Variants in XDH observed in about 807,000 individuals in gnomAD.
XDH encodes xanthine dehydrogenase/oxidase.
A neutral mutation model predicts 156.1 loss-of-function variants in XDH; 138 were observed. The ratio of observed to expected loss-of-function variants is 0.88; its 90% CI spans 0.77 to 1.02. The LOEUF (loss-of-function observed/expected upper bound fraction) is 1.02, where lower values mean the gene tolerates loss of function less well. Ranked by LOEUF, XDH falls within the 50% of genes least tolerant of loss-of-function variation. XDH has a pLI of 0.00. For missense variants in XDH, 1,849 were observed against 1,684.9 expected, an observed-to-expected ratio of 1.10 and a Z score of -1.71; for synonymous variants, 669 against 625.7, an observed-to-expected ratio of 1.07 and a Z score of -1.03.
chr2:31,381,667 C>T lies in XDH; in HGVS notation c.1098G>A (p.Met366Ile). ...CAAGTGTCAGCTTGGCCCCACTGGC[C>T]ATGAACACGGGGTTGAGGTCGGAGA... ...SPISDLNPVF[M>I]ASGAKLTLVS... The change falls in exon 12 of 36, where the codon ATG becomes ATA. Residue 366 changes from methionine to isoleucine, a missense_variant. Coordinates refer to ENST00000379416, the MANE Select transcript of XDH (RefSeq NM_000379.4). The T allele has an allele frequency of 6.2e-7, 1 of 1,614,136 alleles. No homozygotes were observed. The highest frequency in any genetic ancestry group is 1.7e-5 in the Admixed American group (1 of 60,024).
rs138597781 is a variant in XDH, at chr2:31,337,608, C to T, written c.3951+33G>A. The T allele has an allele frequency of 3.1e-5, 50 of 1,613,218 alleles. 1 individual carries two copies. The African/African-American group carries it at 5.9e-4, about 19-fold the overall frequency. On this transcript the variant is annotated intron_variant, in intron 35 of 35. Coordinates refer to ENST00000379416, the MANE Select transcript of XDH (RefSeq NM_000379.4). ...TTTGCCAGCCTATCCCTGGCCTCCC[C>T]TGGACTGAGTGGATGCTTGAGGGGC...
chr2:31,395,649 G>T (rs1434387193), intron 6 of XDH, among the ~76,000 whole-genome samples: 4 of 152,128 alleles, frequency 2.6e-5, no homozygotes, highest in Admixed American at 6.5e-5. Flanking sequence ...ATAAACTCCA[G>T]CAATTCATCA....
intron 6 of XDH, among the ~76,000 whole-genome samples, chr2:31,392,095 G>C (rs1390508926): frequency 1.3e-5 from 2 of 152,154 alleles, no homozygotes; most frequent in Admixed American, 1.3e-4. Context: ...TGAGCATAGA[G>C]TTGTTCTTAA....
intron 15 of XDH, among the ~76,000 whole-genome samples, chr2:31,375,044 A>G (rs1686205418): frequency 3.4e-5 from 1 of 29,400 alleles, no homozygotes; most frequent in African/African-American, 1.7e-4. Context: ...TTTTTTTTTG[A>G]GACAGAGTTT....
chr2:31,363,161 A>T (rs1248367638), intron 24 of XDH, among the ~76,000 whole-genome samples: 5 of 152,000 alleles, frequency 3.3e-5, no homozygotes, highest in African/African-American at 4.8e-5. Context: ...AAAATACAAA[A>T]ATTAGCCAGG....
intron 31 of XDH, among the ~76,000 whole-genome samples, chr2:31,343,130 A>AC (rs1685168282): frequency 6.6e-6 from 1 of 151,770 alleles, no homozygotes; most frequent in Non-Finnish European, 1.5e-5. Flanking sequence ...AATTCCTTTG[A>AC]CCTCTGCTTT....
At chr2:31,393,350 T>C (rs1304648415) in intron 6 of XDH, among the ~76,000 whole-genome samples, 1 of 152,240 alleles carries the variant, frequency 6.6e-6, no homozygotes, top group Non-Finnish European at 1.5e-5. Flanking sequence ...TTATATCTTC[T>C]TGGAGTATTG....
chr2:31,382,165 A>T (rs1686452549), intron 11 of XDH, among the ~76,000 whole-genome samples: 1 of 152,214 alleles, frequency 6.6e-6, no homozygotes, highest in Non-Finnish European at 1.5e-5. Context: ...TGTAAGAAGA[A>T]TCAGATACAG....
At chr2:31,340,977 C>T (rs914917092) in intron 33 of XDH, among the ~76,000 whole-genome samples, 3 of 152,102 alleles carry the variant, frequency 2.0e-5, no homozygotes, top group Non-Finnish European at 4.4e-5. Flanking sequence ...GACCTCAGAC[C>T]CCACTGTCTG....
chr2:31,383,124 C>G lies in XDH; in HGVS notation c.915G>C (p.Leu305=), dbSNP rs375308657. 1 of 1,614,050 alleles carries G rather than the reference C, an allele frequency of 6.2e-7. No individual in the cohort carries two copies. The highest frequency in any genetic ancestry group is 8.5e-7 in the Non-Finnish European group (1 of 1,180,034). ...DGISFGAACP[L]SIVEKTLVDA... ...CCACCAGGGTTTTTTCCACAATGCT[C>G]AGGGGGCAAGCAGCTCCAAAGGAGA... The change falls in exon 11 of 36, where the codon CTG becomes CTC. Residue 305 remains leucine (L), a synonymous_variant. Coordinates refer to ENST00000379416, the MANE Select transcript of XDH (RefSeq NM_000379.4).
intron 24 of XDH, among the ~76,000 whole-genome samples, chr2:31,354,231 G>T (rs1180168239): frequency 2.0e-5 from 3 of 152,182 alleles, no homozygotes; most frequent in African/African-American, 7.2e-5. Context: ...TGATGAGGTG[G>T]CATCCACCAC....
chr2:31,334,369 T>C lies in XDH; in HGVS notation c.*1589A>G, dbSNP rs536551880. Reference sequence around the variant, plus strand: ...GTGACATCAAGCACCAGTCCAACTATATCATTTCCACTATCCTCCCTCCAT... The same window carrying C: ...GTGACATCAAGCACCAGTCCAACTACATCATTTCCACTATCCTCCCTCCAT... On this transcript the variant is annotated 3_prime_UTR_variant, in exon 36 of 36. Coordinates refer to ENST00000379416, the MANE Select transcript of XDH (RefSeq NM_000379.4). The C allele has an allele frequency of 6.6e-6, 1 of 152,308 alleles. No homozygotes were observed. The highest frequency in any genetic ancestry group is 2.1e-4 in the South Asian group (1 of 4,818). The allele number at this position is 152,308 out of a possible 1,614,324, so 9.4% of individuals were successfully genotyped here.
At position 31,381,746 on chromosome 2, in the gene XDH, T is replaced by C; in HGVS notation, c.1039-20A>G. 1 of 1,605,014 alleles carries C rather than the reference T, an allele frequency of 6.2e-7. No individual in the cohort carries two copies. Among genetic ancestry groups the C allele is most frequent in the Non-Finnish European group, 8.5e-7 (1 of 1,175,128 alleles). On this transcript the variant is annotated intron_variant, in intron 11 of 35. Transcript: ENST00000379416. ...AACGGACTAAAACAAGCAGAGAGCA[T>C]GCAGTGAGAGCCCACCCCAGGAAAC...
chr2:31,347,438 C>T (rs1380601830), intron 29 of XDH, 84 bp downstream of exon 29: 8 of 1,602,018 alleles, frequency 5.0e-6, no homozygotes, highest in Non-Finnish European at 6.8e-6. Flanking sequence ...GCAAGGAACC[C>T]TTCTAGCTCC....
Position 31,379,879 on chromosome 2 carries a change from G to C in XDH, c.1230C>G (p.Pro410=), listed in dbSNP as rs1686383351. ...TCCAACATCTCACCTCCCTGCTGTA[G>C]GGGATCTCTATGGAGAGCAGTATCT... The part of the protein sequence containing the change: ...PEEILLSIEI[P]YSREGEYFSA... Residue 410 remains proline (P), a synonymous_variant, in exon 13 of 36, where the codon CCC becomes CCG. Transcript: ENST00000379416. 1 of 1,614,034 alleles carries C rather than the reference G, an allele frequency of 6.2e-7. No individual in the cohort carries two copies. Among genetic ancestry groups the C allele is most frequent in the East Asian group, 2.2e-5 (1 of 44,894 alleles).
chr2:31,360,901 G>A (rs1360014248), intron 24 of XDH, among the ~76,000 whole-genome samples: 1 of 152,206 alleles, frequency 6.6e-6, no homozygotes, highest in South Asian at 2.1e-4. Context: ...CATCCACTGG[G>A]AGTCTTGGAA....
rs369196176 is a variant in XDH, at chr2:31,403,101, G to T, written c.144C>A (p.Cys48Ter). The T allele has an allele frequency of 6.2e-7, 1 of 1,614,138 alleles. No homozygotes were observed. The highest frequency in any genetic ancestry group is 8.5e-7 in the Non-Finnish European group (1 of 1,180,026). Residue 48 changes from cysteine to a stop codon, truncating the protein, a stop_gained, in exon 3 of 36, where the codon TGC becomes TGA. Coordinates refer to ENST00000379416, the MANE Select transcript of XDH (RefSeq NM_000379.4). LOFTEE classifies it high-confidence loss of function. Reference sequence around the variant, plus strand: ...TGGAGAGCATCACTGTGCAAGCCCCGCAGCCCCCCTCTCCACAGCCGAGCT... The same window carrying T: ...TGGAGAGCATCACTGTGCAAGCCCCTCAGCCCCCCTCTCCACAGCCGAGCT... ...GTKLGCGEGG[C>*]GACTVMLSKY...
intron 29 of XDH, 95 bp downstream of exon 29, chr2:31,347,427 T>C: frequency 6.3e-7 from 1 of 1,583,100 alleles, no homozygotes; most frequent in Admixed American, 1.7e-5. Flanking sequence ...CCAAAGAGCC[T>C]GCAAGGAACC....
chr2:31,364,187 C>G lies in XDH; in HGVS notation c.2602G>C (p.Val868Leu), dbSNP rs148269820. 1.2e-6 allele frequency: 2 copies of G among 1,614,100 alleles called. No homozygotes were observed. Among genetic ancestry groups the G allele is most frequent in the Non-Finnish European group, 1.7e-6 (2 of 1,180,014 alleles). Reference protein sequence around the residue: ...VALEVDHFSNVGNTQDLSQSI... With the variant: ...VALEVDHFSNLGNTQDLSQSI... ...TGAGAGAGATCCTGGGTGTTCCCCA[C>G]ATTGCTGAAGTGGTCCACCTCAAGA... Residue 868 changes from valine to leucine, a missense_variant, in exon 24 of 36, where the codon GTG becomes CTG. Physicochemically the swap from Val to Leu is conservative, Grantham distance 32. Transcript: ENST00000379416.
Sources: allele counts gnomAD v4.1 joint callset (sites outside exome capture counted in the v4.1 genomes callset), GRCh38; gene constraint gnomAD v4.1.1; transcripts MANE v1.5; gene names NCBI Gene and HGNC (gene_info 2026-07-23, HGNC 2026-07-21).